The following FBXL13 variants were observed in gnomAD, a reference collection of about 807,000 sequenced individuals.
FBXL13 encodes F-box and leucine-rich repeat protein 13.
Under a neutral mutation model 83.6 loss-of-function variants are expected in FBXL13, and 67 were observed. That is an observed-to-expected ratio of 0.80 (90% confidence interval 0.66 to 0.98). The LOEUF (loss-of-function observed/expected upper bound fraction) is 0.98. Ranked by LOEUF, FBXL13 falls within the 50% of genes least tolerant of loss-of-function variation. FBXL13 has a pLI of 0.00. For missense variants in FBXL13, 822 were observed against 866.5 expected, an observed-to-expected ratio of 0.95 and a Z score of 0.64; for synonymous variants, 272 against 299.5, an observed-to-expected ratio of 0.91 and a Z score of 0.95.
chr7:102,861,472 T>A (rs567058624), intron 16 of FBXL13, among the ~76,000 whole-genome samples: 1 of 152,288 alleles, frequency 6.6e-6, no homozygotes, highest in South Asian at 2.1e-4. Context: ...GGCACATATG[T>A]CCAGTTGTTC....
intron 6 of FBXL13, among the ~76,000 whole-genome samples, chr7:103,000,279 A>G (rs1317814822): frequency 2.6e-5 from 4 of 152,184 alleles, no homozygotes; most frequent in African/African-American, 9.7e-5. Flanking sequence ...TTGAAAGGCC[A>G]AGGCAGGAGG....
At chr7:102,878,296 C>T (rs1809530964) in intron 15 of FBXL13, 35 bp downstream of exon 16, 2 of 1,562,928 alleles carry the variant, frequency 1.3e-6, no homozygotes, top group Middle Eastern at 1.7e-4. Context: ...ATATACAATA[C>T]TAATGATATG....
chr7:103,054,090 T>A (rs560077360), intron 2 of FBXL13, among the ~76,000 whole-genome samples: 1 of 152,018 alleles, frequency 6.6e-6, no homozygotes, highest in Non-Finnish European at 1.5e-5. Flanking sequence ...ACAACAGCCC[T>A]GTAATCAAGA....
chr7:102,827,140 G>A (rs372270933), intron 18 of FBXL13: 1 of 454,844 alleles, frequency 2.2e-6, no homozygotes. Context: ...AAGATGCCTT[G>A]CAGCTTCTAC....
chr7:103,032,463 G>A (rs1335028102), intron 2 of FBXL13, among the ~76,000 whole-genome samples: 1 of 152,080 alleles, frequency 6.6e-6, no homozygotes, highest in African/African-American at 2.4e-5. Context: ...AATAGTAATT[G>A]CTTAATATCA....
At chr7:102,943,857 T>G (rs1367460411) in intron 8 of FBXL13, among the ~76,000 whole-genome samples, 3 of 152,182 alleles carry the variant, frequency 2.0e-5, no homozygotes, top group African/African-American at 7.2e-5. Context: ...AATTTCTGTC[T>G]TCATGACAGG....
At chr7:102,836,198 C>G (rs1801947681) in intron 17 of FBXL13, among the ~76,000 whole-genome samples, 1 of 152,174 alleles carries the variant, frequency 6.6e-6, no homozygotes, top group African/African-American at 2.4e-5. Context: ...AAATTTAAAA[C>G]TAACTTAAAA....
intron 2 of FBXL13, among the ~76,000 whole-genome samples, chr7:103,042,950 A>G (rs576314346): frequency 1.3e-5 from 2 of 152,366 alleles, no homozygotes; most frequent in Non-Finnish European, 2.9e-5. Context: ...CAATGGCAAC[A>G]AAAGCCAAAA....
At chr7:102,813,303 A>G (rs1195160857) in exon 20 of FBXL13, 23 of 1,553,876 alleles carry the variant, frequency 1.5e-5, no homozygotes, top group Non-Finnish European at 2.0e-5. Context: ...AAACTTGCCA[A>G]GTTCTTGATT....
At position 102,862,295 on chromosome 7, in the gene FBXL13, C is replaced by T. The variant is rs571974048; in HGVS notation, c.1636-7435G>A. On this transcript the variant is annotated intron_variant, in intron 16 of 19. Coordinates refer to ENST00000313221, the Ensembl canonical transcript of FBXL13. ...AGTGAGCTGAGATTGCACTACTGTA[C>T]TCCAGTCTGGGCGACAGAGGGAGAA... Among the ~76,000 whole-genome samples, 20 of 147,356 alleles carry T rather than the reference C, an allele frequency of 1.4e-4. No individual in the cohort carries two copies. The East Asian group carries it at 3.4e-3, about 25-fold the overall frequency.
intron 16 of FBXL13, among the ~76,000 whole-genome samples, chr7:102,872,136 T>C (rs1426646441): frequency 6.6e-6 from 1 of 152,222 alleles, no homozygotes; most frequent in Non-Finnish European, 1.5e-5. Flanking sequence ...TGAACAAGGA[T>C]ACATTCACAT....
At chr7:102,884,072 T>A in intron 12 of FBXL13, 142 bp downstream of exon 13, 1 of 630,716 alleles carries the variant, frequency 1.6e-6, no homozygotes, top group Non-Finnish European at 2.8e-6. Context: ...TATGTGCATG[T>A]GTGGAAACTT....
chr7:102,910,607 TACCCCTTACC>T (rs1474090036), intron 11 of FBXL13, among the ~76,000 whole-genome samples: 1 of 152,034 alleles, frequency 6.6e-6, no homozygotes, highest in Non-Finnish European at 1.5e-5. Context: ...CTGCTCCTCT[TACCCCTTACC>T]ACCACCAAGC....
At chr7:102,838,958 A>C (rs1456807144) in intron 17 of FBXL13, among the ~76,000 whole-genome samples, 1 of 152,200 alleles carries the variant, frequency 6.6e-6, no homozygotes, top group Non-Finnish European at 1.5e-5. Context: ...GAGGATAGTA[A>C]AAGAGGAAGG....
In FBXL13 at chr7:102,967,024, C is replaced by T. The variant is rs565670466; in HGVS notation, c.591+998G>A. 2.6e-5 allele frequency among the ~76,000 whole-genome samples: 4 copies of T among 151,914 alleles called. No individual in the cohort carries two copies. The East Asian group carries it at 5.8e-4, about 22-fold the overall frequency. Reference sequence around the variant, plus strand: ...CTCACTCTGTCACCAAGCTGGAGTGCGGTGGTGTGATCTTGGCTCATTGCA... The same window carrying T: ...CTCACTCTGTCACCAAGCTGGAGTGTGGTGGTGTGATCTTGGCTCATTGCA... On this transcript the variant is annotated intron_variant, in intron 7 of 19. Transcript: ENST00000313221.
intron 2 of FBXL13, among the ~76,000 whole-genome samples, chr7:103,044,988 G>A (rs1478838657): frequency 1.3e-5 from 2 of 152,164 alleles, no homozygotes; most frequent in Non-Finnish European, 2.9e-5. Context: ...AACTTCAGCC[G>A]AATTAAATGT....
At chr7:103,065,067 G>C (rs1351569753) in intron 1 of FBXL13, among the ~76,000 whole-genome samples, 1 of 152,158 alleles carries the variant, frequency 6.6e-6, no homozygotes, top group East Asian at 1.9e-4. Context: ...TTAACTGGTT[G>C]CATGTCACAT....
intron 6 of FBXL13, among the ~76,000 whole-genome samples, chr7:103,016,812 A>T (rs1158718845): frequency 6.6e-6 from 1 of 152,166 alleles, no homozygotes; most frequent in East Asian, 1.9e-4. Context: ...TTGAGTAGGT[A>T]AACAAAGTGG....
rs941676536 is a variant in FBXL13, at chr7:102,922,213, A to G, written c.878+4061T>C. Among the ~76,000 whole-genome samples the G allele has an allele frequency of 2.0e-5, 3 of 151,856 alleles. No homozygotes were observed. The East Asian group carries it at 5.8e-4, about 29-fold the overall frequency. ...TCAAAAAAAAAAAAAAATTAAATAA[A>G]TAAATAAATAAACATTACTGAGTGA... On this transcript the variant is annotated intron_variant, in intron 10 of 19. Coordinates refer to ENST00000313221, the Ensembl canonical transcript of FBXL13.
Sources: gnomAD v4.1 joint callset for allele counts (sites outside exome capture counted in the v4.1 genomes callset) on GRCh38, gnomAD v4.1.1 for gene constraint, MANE v1.5 for transcripts, NCBI Gene and HGNC (gene_info 2026-07-23, HGNC 2026-07-21) for gene names.